ABHD18: variants seen among roughly 807,000 people sequenced by gnomAD.
ABHD18 encodes the protein abhydrolase domain containing 18.
Under a neutral mutation model 65.9 loss-of-function variants are expected in ABHD18, and 55 were observed. The observed-to-expected ratio is 0.84, with a 90% CI of 0.67 to 1.05. The LOEUF (loss-of-function observed/expected upper bound fraction) is 1.05. ABHD18 is among the 50% of genes least tolerant of loss of function. The pLI, the probability that ABHD18 is intolerant of heterozygous loss-of-function variation, is 0.00. For missense variants in ABHD18, 533 were observed against 558.5 expected (o/e 0.95, Z 0.46); for synonymous variants, 181 against 180.2 (o/e 1.00, Z -0.04).
At chr4:127,991,416 G>A (rs1028194371) in intron 4 of ABHD18, among the ~76,000 whole-genome samples, 2 of 152,080 alleles carry the variant, frequency 1.3e-5, no homozygotes, top group Admixed American at 6.6e-5. Context: ...TAGAGACGGG[G>A]TTTCAACATG....
chr4:128,018,920 A>G (rs1406548222), intron 8 of ABHD18, among the ~76,000 whole-genome samples: 1 of 151,062 alleles, frequency 6.6e-6, no homozygotes, highest in Admixed American at 6.6e-5. Flanking sequence ...AGGCTGAGGC[A>G]GGAGAATCGC....
rs1475159428 is a variant in ABHD18, at chr4:128,008,964, C to G, written c.323C>G (p.Pro108Arg). 1.2e-6 allele frequency: 2 copies of G among 1,610,996 alleles called. No individual in the cohort carries two copies. Among genetic ancestry groups the G allele is most frequent in the Non-Finnish European group, 8.5e-7 (1 of 1,178,886 alleles). Residue 108 changes from proline (P) to arginine (R), a missense_variant, in exon 5 of 13, where the codon CCT becomes CGT. This residue lies in a region of ABHD18 where 309 missense variants were observed against 313.5 expected (regional missense o/e 0.99). Transcript: ENST00000645843. ...VPKEWNSKYR[P>R]VCIHLAGTGD... ...AAAGAATGGAACAGCAAATATAGACCTGTATGCATTCATCTTGCTGGAACA... is the reference window on the plus strand; with the variant it reads ...AAAGAATGGAACAGCAAATATAGACGTGTATGCATTCATCTTGCTGGAACA...
At chr4:128,005,059 C>T (rs1023928320) in intron 4 of ABHD18, among the ~76,000 whole-genome samples, 1 of 152,082 alleles carries the variant, frequency 6.6e-6, no homozygotes, top group African/African-American at 2.4e-5. Flanking sequence ...CGAAACCTGT[C>T]GCTACTAAAA....
At position 128,021,137 on chromosome 4, in the gene ABHD18, G is replaced by T; in HGVS notation, c.700G>T (p.Gly234Cys). The change falls in exon 10 of 13, where the codon GGT becomes TGT. Residue 234 changes from glycine (G) to cysteine (C), a missense_variant and splice_region_variant. By Grantham distance (159) the Gly-to-Cys change is radical. This residue lies in a region of ABHD18 where 309 missense variants were observed against 313.5 expected (regional missense o/e 0.99). Transcript: ENST00000645843. ...WSTASGVFTT[G>C]VLSKSINWRE... ...ATCTTAATTTAGCTTATTATTTCAG[G>T]GTGTGTTGAGTAAATCAATTAATTG... 1 of 1,528,798 alleles carries T rather than the reference G, an allele frequency of 6.5e-7. No homozygotes were observed. Among genetic ancestry groups the T allele is most frequent in the Non-Finnish European group, 8.9e-7 (1 of 1,127,918 alleles). The allele number at this position is 1,528,798 out of a possible 1,614,324, so 94.7% of individuals were successfully genotyped here.
intron 8 of ABHD18, among the ~76,000 whole-genome samples, chr4:128,018,888 C>A (rs548014883): frequency 8.3e-4 from 126 of 151,868 alleles, no homozygotes; most frequent in African/African-American, 2.8e-3. Context: ...GTGGCACGTG[C>A]CTGTAATCCC....
At chr4:127,979,599 T>C (rs1462664792) in intron 1 of ABHD18, among the ~76,000 whole-genome samples, 5 of 150,832 alleles carry the variant, frequency 3.3e-5, no homozygotes, top group Admixed American at 3.3e-4. Flanking sequence ...AGGTATTAAA[T>C]GGATAGAACA....
chr4:127,972,533 T>A (rs1297288191), intron 1 of ABHD18, among the ~76,000 whole-genome samples: 6 of 145,114 alleles, frequency 4.1e-5, no homozygotes, highest in Non-Finnish European at 9.0e-5. Flanking sequence ...TTTTTTTTTT[T>A]TTTTTTTTTT....
chr4:127,992,490 T>G (rs1751084779), intron 4 of ABHD18, among the ~76,000 whole-genome samples: 1 of 151,528 alleles, frequency 6.6e-6, no homozygotes, highest in Non-Finnish European at 1.5e-5. Flanking sequence ...AAAAAAGGAA[T>G]GAAAATAGTG....
intron 12 of ABHD18, among the ~76,000 whole-genome samples, chr4:128,033,178 C>T (rs1389137851): frequency 1.3e-5 from 2 of 152,004 alleles, no homozygotes; most frequent in Non-Finnish European, 2.9e-5. Context: ...GGTGTGAACC[C>T]AGAGGTCAGA....
intron 4 of ABHD18, among the ~76,000 whole-genome samples, chr4:127,994,148 G>C (rs1388467909): frequency 6.6e-6 from 1 of 152,164 alleles, no homozygotes; most frequent in Non-Finnish European, 1.5e-5. Flanking sequence ...TTTTAAGACT[G>C]CTTAAGATCT....
chr4:127,980,701 T>TGTA (rs1179665406), intron 1 of ABHD18, among the ~76,000 whole-genome samples: 2 of 151,820 alleles, frequency 1.3e-5, no homozygotes, highest in Non-Finnish European at 2.9e-5. Context: ...GGTGGGTGCC[T>TGTA]GTAGTCCCAG....
chr4:128,007,874 A>T (rs191955825), intron 4 of ABHD18, among the ~76,000 whole-genome samples: 19 of 152,220 alleles, frequency 1.2e-4, no homozygotes, highest in East Asian at 3.9e-4. Context: ...TAAAAGTTTT[A>T]AAAAAAGACA....
chr4:127,982,566 T>C (rs1749245514), intron 1 of ABHD18, among the ~76,000 whole-genome samples: 1 of 152,192 alleles, frequency 6.6e-6, no homozygotes, highest in Admixed American at 6.5e-5. Flanking sequence ...AAATTGTTGG[T>C]AGGTTTAATG....
In ABHD18 at chr4:127,982,942, C is replaced by G; in HGVS notation, c.-14C>G. ...CATTTTAAATTTTGTTTTATAGATGCTTGTTTGCTACTGATGGGTGTGAGC... is the reference window on the plus strand; with the variant it reads ...CATTTTAAATTTTGTTTTATAGATGGTTGTTTGCTACTGATGGGTGTGAGC... On this transcript the variant is annotated 5_prime_UTR_variant, in exon 2 of 13. Transcript: ENST00000645843. 1.3e-6 allele frequency: 2 copies of G among 1,499,698 alleles called. No homozygotes were observed. The highest frequency in any genetic ancestry group is 1.8e-6 in the Non-Finnish European group (2 of 1,119,778). The allele number at this position is 1,499,698 out of a possible 1,614,324, so 92.9% of individuals were successfully genotyped here.
intron 1 of ABHD18, among the ~76,000 whole-genome samples, chr4:127,976,930 A>G (rs1463618499): frequency 1.3e-5 from 2 of 152,216 alleles, no homozygotes; most frequent in Admixed American, 1.3e-4. Flanking sequence ...AGTCCTAGCT[A>G]CTTGGGAGGC....
intron 7 of ABHD18, among the ~76,000 whole-genome samples, chr4:128,014,570 C>T (rs559540759): frequency 6.3e-4 from 96 of 152,214 alleles, no homozygotes; most frequent in African/African-American, 2.1e-3. Flanking sequence ...ATACTGTATA[C>T]TCAAGTCAAG....
chr4:128,012,572 G>GC (rs1265763938), intron 7 of ABHD18, among the ~76,000 whole-genome samples: 1 of 152,146 alleles, frequency 6.6e-6, no homozygotes, highest in Admixed American at 6.6e-5. Flanking sequence ...AATGACCAGT[G>GC]AATGAAGTAA....
chr4:128,033,784 T>C (rs1014739966), intron 12 of ABHD18, among the ~76,000 whole-genome samples: 2 of 151,246 alleles, frequency 1.3e-5, no homozygotes, highest in African/African-American at 4.9e-5. Flanking sequence ...GATCCGCCTG[T>C]CTCGGCCTCC....
At chr4:127,997,036 G>A (rs959254674) in intron 4 of ABHD18, among the ~76,000 whole-genome samples, 2 of 152,214 alleles carry the variant, frequency 1.3e-5, no homozygotes, top group Admixed American at 6.5e-5. Context: ...CGAAGATAAC[G>A]TGATTAAGAG....
Sources: gnomAD v4.1 joint callset for allele counts (sites outside exome capture counted in the v4.1 genomes callset) on GRCh38, gnomAD v4.1.1 for gene constraint, gnomAD v4.1.1 regional missense constraint, MANE v1.5 for transcripts, NCBI Gene and HGNC (gene_info 2026-07-23, HGNC 2026-07-21) for gene names.